The following GCNT2 variants were observed in gnomAD, a reference collection of about 807,000 sequenced individuals.
GCNT2 encodes N-acetyllactosaminide beta-1,6-N-acetylglucosaminyl-transferase.
In GCNT2, 34 loss-of-function variants were observed where a neutral mutation model predicts 34.2. The observed-to-expected ratio is 1.00, with a 90% CI of 0.76 to 1.32. The LOEUF (loss-of-function observed/expected upper bound fraction) is 1.32. Ranked by LOEUF, GCNT2 falls within the 40% of genes most tolerant of loss-of-function variation. The probability of loss-of-function intolerance (pLI) is 0.00; values close to 1 mark genes in which losing one functional copy is unlikely to be tolerated. For missense variants in GCNT2, 584 were observed against 489.4 expected, an observed-to-expected ratio of 1.19 and a Z score of -1.82; for synonymous variants, 212 against 188.0, an observed-to-expected ratio of 1.13 and a Z score of -1.04.
At chr6:10,608,211 G>A (rs561955044) in intron 3 of GCNT2, among the ~76,000 whole-genome samples, 14 of 151,834 alleles carry the variant, frequency 9.2e-5, no homozygotes, top group African/African-American at 3.4e-4. Context: ...CTGAGTAGCT[G>A]GGATTACAGG....
chr6:10,528,066 G>T (rs1164608435), intron 2 of GCNT2, among the ~76,000 whole-genome samples: 2 of 152,130 alleles, frequency 1.3e-5, no homozygotes, highest in Non-Finnish European at 2.9e-5. Flanking sequence ...GTGATGATGG[G>T]CTATTGGTCG....
chr6:10,528,552 A>G (rs966299053), intron 2 of GCNT2, 79 bp from the exon 3 acceptor site: 8 of 351,700 alleles, frequency 2.3e-5, no homozygotes, highest in Non-Finnish European at 4.3e-5. Flanking sequence ...TGGTCACCTC[A>G]CCCACTTGTA....
intron 3 of GCNT2, chr6:10,556,750 A>C (rs1762726810): frequency 6.2e-7 from 1 of 1,614,042 alleles, no homozygotes; most frequent in African/African-American, 1.3e-5. Context: ...ACACCTTTGC[A>C]AGGCTCTTCA....
chr6:10,528,722 G>A lies in GCNT2; in HGVS notation c.-190G>A. ...CACAGAAAAGTGAAAATGCAACCTA[G>A]TGGTAAGTGAAGAGGGGAAGAAGAA... On this transcript the variant is annotated 5_prime_UTR_variant, in exon 3 of 5. The change creates a new upstream start codon in the 5' untranslated region. Coordinates refer to ENST00000495262, the MANE Select transcript of GCNT2 (RefSeq NM_145649.5). 1 of 624,900 alleles carries A rather than the reference G, an allele frequency of 1.6e-6. No homozygotes were observed. The highest frequency in any genetic ancestry group is 1.9e-5 in the South Asian group (1 of 52,586). 38.7% of individuals were successfully genotyped at this position (624,900 alleles called of 1,614,324 possible).
intron 3 of GCNT2, among the ~76,000 whole-genome samples, chr6:10,539,947 G>A (rs867796054): frequency 2.0e-5 from 3 of 152,134 alleles, no homozygotes; most frequent in Non-Finnish European, 2.9e-5. Context: ...GCTTGGAGGC[G>A]CGTGCCGGTA....
chr6:10,594,512 G>A (rs1014027884), intron 3 of GCNT2, among the ~76,000 whole-genome samples: 1 of 152,160 alleles, frequency 6.6e-6, no homozygotes, highest in Non-Finnish European at 1.5e-5. Flanking sequence ...TGATGACCTT[G>A]TGTACTCTGA....
chr6:10,523,729 T>C (rs1237803258), intron 1 of GCNT2, among the ~76,000 whole-genome samples: 1 of 151,984 alleles, frequency 6.6e-6, no homozygotes, highest in Admixed American at 6.5e-5. Flanking sequence ...TCCCAGCACT[T>C]TGGGAGGCCG....
chr6:10,613,838 G>A (rs1408393229), intron 3 of GCNT2, among the ~76,000 whole-genome samples: 1 of 152,188 alleles, frequency 6.6e-6, no homozygotes, highest in East Asian at 1.9e-4. Flanking sequence ...GACGTTGGAT[G>A]ATGTCCAGGG....
chr6:10,575,064 C>CT (rs1652303080), intron 3 of GCNT2: 1 of 585,186 alleles, frequency 1.7e-6, no homozygotes, highest in Non-Finnish European at 3.2e-6. Flanking sequence ...CATGGTAACA[C>CT]TTGGGGGTGT....
At chr6:10,574,860 A>G (rs929323574) in intron 3 of GCNT2, 5 of 690,440 alleles carry the variant, frequency 7.2e-6, no homozygotes, top group Admixed American at 5.5e-5. Flanking sequence ...GAACCCAGGC[A>G]CCTTTCTCTT....
At chr6:10,571,911 CT>C (rs926664731) in intron 3 of GCNT2, among the ~76,000 whole-genome samples, 18 of 149,470 alleles carry the variant, frequency 1.2e-4, no homozygotes, top group East Asian at 5.8e-4. Context: ...TCCACACCCC[CT>C]GAGATAATGA....
At chr6:10,600,356 C>T (rs1050961128) in intron 3 of GCNT2, among the ~76,000 whole-genome samples, 17 of 152,084 alleles carry the variant, frequency 1.1e-4, no homozygotes, top group African/African-American at 3.1e-4. Context: ...AAAGGAGATC[C>T]GTTCTGTTTT....
At chr6:10,612,993 A>C (rs954356344) in intron 3 of GCNT2, among the ~76,000 whole-genome samples, 5 of 152,232 alleles carry the variant, frequency 3.3e-5, no homozygotes, top group African/African-American at 9.6e-5. Context: ...AATTGTGAGA[A>C]AGCCCTTTCA....
At chr6:10,614,650 A>G (rs866587388) in intron 3 of GCNT2, among the ~76,000 whole-genome samples, 3 of 149,034 alleles carry the variant, frequency 2.0e-5, no homozygotes, top group African/African-American at 5.1e-5. Context: ...AAAAAAGAGA[A>G]AAAGAAGAAA....
In GCNT2 at chr6:10,529,135, A is replaced by G. The variant is rs376550475; in HGVS notation, c.224A>G (p.Tyr75Cys). Residue 75 changes from tyrosine (Y) to cysteine (C), a missense_variant, in exon 3 of 5, where the codon TAT (tyrosine) becomes TGT (cysteine). Transcript: ENST00000495262. ...LKTTLDEATC[Y>C]EYMVRSHYVT... is the part of the protein sequence containing the mutation. ...ACTACCCTTGATGAAGCTACCTGCT[A>G]TGAGTACATGGTTCGAAGCCACTAT... 176 of 1,613,994 alleles carry G rather than the reference A, an allele frequency of 1.1e-4. No homozygotes were observed. The highest frequency in any genetic ancestry group is 1.4e-4 in the Non-Finnish European group (171 of 1,179,980).
intron 3 of GCNT2, among the ~76,000 whole-genome samples, chr6:10,592,565 C>T (rs1764695694): frequency 6.6e-6 from 1 of 152,086 alleles, no homozygotes; most frequent in South Asian, 2.1e-4. Context: ...GACGCTATAG[C>T]CATTTGTAGA....
At chr6:10,545,581 A>G (rs150309757) in intron 3 of GCNT2, among the ~76,000 whole-genome samples, 1 of 152,132 alleles carries the variant, frequency 6.6e-6, no homozygotes, top group African/African-American at 2.4e-5. Flanking sequence ...TGCAATCCTA[A>G]CCTCCTTCGT....
intron 3 of GCNT2, among the ~76,000 whole-genome samples, chr6:10,577,337 G>A (rs1763865359): frequency 6.6e-6 from 1 of 152,210 alleles, no homozygotes; most frequent in African/African-American, 2.4e-5. Flanking sequence ...CCAGGCAAGT[G>A]ACTACATTCC....
chr6:10,529,968 A>G, intron 3 of GCNT2, 132 bp downstream of exon 3: 1 of 755,580 alleles, frequency 1.3e-6, no homozygotes, highest in Non-Finnish European at 2.2e-6. Context: ...TAAAAAAAAA[A>G]TTTCATCTGT....
Sources: allele counts gnomAD v4.1 joint callset (sites outside exome capture counted in the v4.1 genomes callset), GRCh38; gene constraint gnomAD v4.1.1; transcripts MANE v1.5; gene names NCBI Gene and HGNC (gene_info 2026-07-23, HGNC 2026-07-21).